The following SGCZ variants were observed in gnomAD, a reference collection of about 807,000 sequenced individuals.
The protein encoded by SGCZ is zeta-sarcoglycan.
In SGCZ, 40 loss-of-function variants were observed where a neutral mutation model predicts 41.3. The observed-to-expected ratio is 0.97, with a 90% CI of 0.75 to 1.26. The LOEUF (loss-of-function observed/expected upper bound fraction) is 1.26, where lower values mean the gene tolerates loss of function less well. Ranked by LOEUF, SGCZ falls within the 50% of genes most tolerant of loss-of-function variation. The pLI, the probability that SGCZ is intolerant of heterozygous loss-of-function variation, is 0.00. For missense variants in SGCZ, 552 were observed against 369.8 expected (o/e 1.49, Z -4.04); for synonymous variants, 206 against 137.5 (o/e 1.50, Z -3.49).
chr8:15,238,232 G>C lies in SGCZ; in HGVS notation c.-609C>G, dbSNP rs972791786. On this transcript the variant is annotated 5_prime_UTR_variant, in exon 1 of 8. Transcript: ENST00000382080. ...AGAGGTATTTTCTCAGTGGGGAAAA[G>C]AAGATAATCAAGTCAGAAGGGAACG... The C allele has an allele frequency of 5.3e-5, 8 of 152,280 alleles. No homozygotes were observed. Among genetic ancestry groups the C allele is most frequent in the African/African-American group, 1.7e-4 (7 of 41,444 alleles). The allele number at this position is 152,280 out of a possible 1,614,324, so 9.4% of individuals were successfully genotyped here.
intron 1 of SGCZ, among the ~76,000 whole-genome samples, chr8:15,207,910 A>G (rs1189841055): frequency 6.6e-6 from 1 of 152,188 alleles, no homozygotes; most frequent in Non-Finnish European, 1.5e-5. Flanking sequence ...ATTTTAATAC[A>G]AGTTTTTCAA....
At chr8:14,774,671 G>A (rs1800345521) in intron 1 of SGCZ, among the ~76,000 whole-genome samples, 1 of 152,182 alleles carries the variant, frequency 6.6e-6, no homozygotes, top group Non-Finnish European at 1.5e-5. Context: ...GATCACCCTA[G>A]CTTTGACTTT....
At chr8:15,143,076 C>A (rs1375869496) in intron 1 of SGCZ, among the ~76,000 whole-genome samples, 4 of 152,084 alleles carry the variant, frequency 2.6e-5, no homozygotes, top group Admixed American at 2.0e-4. Context: ...GCTAAGGAAC[C>A]AAATTTCACA....
chr8:14,532,645 C>G (rs1279650375), intron 2 of SGCZ, among the ~76,000 whole-genome samples: 3 of 133,816 alleles, frequency 2.2e-5, no homozygotes, highest in Admixed American at 8.9e-5. Flanking sequence ...AACTTTGAAG[C>G]TGGCTCATTG....
intron 2 of SGCZ, among the ~76,000 whole-genome samples, chr8:14,513,872 AT>A (rs373174787): frequency 0.02 from 3,011 of 151,912 alleles, 77 homozygotes; most frequent in African/African-American, 0.052. Flanking sequence ...CTCTCTGTGC[AT>A]TTTTTTTGGG....
chr8:15,063,351 T>C (rs754608001), intron 1 of SGCZ, among the ~76,000 whole-genome samples: 5 of 152,150 alleles, frequency 3.3e-5, no homozygotes, highest in Non-Finnish European at 5.9e-5. Context: ...TCTATTGGGA[T>C]GATTTTTGCA....
At chr8:15,226,406 T>C (rs1453034901) in intron 1 of SGCZ, among the ~76,000 whole-genome samples, 1 of 152,144 alleles carries the variant, frequency 6.6e-6, no homozygotes, top group Non-Finnish European at 1.5e-5. Context: ...AGATAGAAAA[T>C]CAAAATTGAT....
intron 1 of SGCZ, among the ~76,000 whole-genome samples, chr8:14,665,842 C>T (rs945738245): frequency 7.2e-5 from 11 of 152,070 alleles, no homozygotes; most frequent in African/African-American, 2.2e-4. Flanking sequence ...AAATTAAATA[C>T]GAGAAATTCA....
At chr8:15,065,179 C>T (rs1008676519) in intron 1 of SGCZ, among the ~76,000 whole-genome samples, 5 of 152,062 alleles carry the variant, frequency 3.3e-5, no homozygotes, top group Admixed American at 2.0e-4. Flanking sequence ...AGACCCACTC[C>T]GCTGTGCCTT....
intron 1 of SGCZ, among the ~76,000 whole-genome samples, chr8:15,191,989 T>C (rs1234793059): frequency 6.6e-6 from 1 of 152,072 alleles, no homozygotes; most frequent in Admixed American, 6.5e-5. Context: ...AAAAATTGCA[T>C]AAAAGTAGTA....
At chr8:15,211,995 T>C (rs1801250401) in intron 1 of SGCZ, among the ~76,000 whole-genome samples, 1 of 152,148 alleles carries the variant, frequency 6.6e-6, no homozygotes, top group Non-Finnish European at 1.5e-5. Context: ...AAATGAAATG[T>C]TATCAGATAA....
intron 4 of SGCZ, among the ~76,000 whole-genome samples, chr8:14,236,043 A>G (rs1424377617): frequency 2.0e-5 from 3 of 152,202 alleles, no homozygotes; most frequent in Admixed American, 2.0e-4. Context: ...ACTGAATGCA[A>G]AAGGCAGTTC....
chr8:14,624,016 T>C (rs892316084), intron 1 of SGCZ, among the ~76,000 whole-genome samples: 14 of 152,196 alleles, frequency 9.2e-5, no homozygotes, highest in African/African-American at 2.7e-4. Context: ...AGTCCTAACG[T>C]AGTTTCTAGC....
At chr8:14,445,086 T>A (rs1399985428) in intron 2 of SGCZ, among the ~76,000 whole-genome samples, 1 of 152,170 alleles carries the variant, frequency 6.6e-6, no homozygotes, top group African/African-American at 2.4e-5. Context: ...AGTTGCTCAG[T>A]GGTGATGCTT....
chr8:14,613,967 T>C (rs1806014546), intron 1 of SGCZ, among the ~76,000 whole-genome samples: 1 of 152,198 alleles, frequency 6.6e-6, no homozygotes. Context: ...ACATGACAGA[T>C]TGATTTTTTT....
intron 1 of SGCZ, among the ~76,000 whole-genome samples, chr8:14,601,580 C>G (rs780262923): frequency 1.3e-5 from 2 of 151,980 alleles, no homozygotes; most frequent in Non-Finnish European, 2.9e-5. Flanking sequence ...TGTTCTAATA[C>G]GTAGAGCATA....
intron 2 of SGCZ, among the ~76,000 whole-genome samples, chr8:14,472,554 T>TAAGAAA (rs1801242810): frequency 6.6e-6 from 1 of 152,096 alleles, no homozygotes; most frequent in Non-Finnish European, 1.5e-5. Context: ...CCCAACCATA[T>TAAGAAA]ACTGGGATAT....
At chr8:14,520,023 T>C (rs1003600388) in intron 2 of SGCZ, among the ~76,000 whole-genome samples, 4 of 152,096 alleles carry the variant, frequency 2.6e-5, no homozygotes, top group South Asian at 2.1e-4. Flanking sequence ...TTTTTAAAAA[T>C]GATATATTTA....
At chr8:14,822,631 A>G (rs945711536) in intron 1 of SGCZ, among the ~76,000 whole-genome samples, 2 of 152,150 alleles carry the variant, frequency 1.3e-5, no homozygotes, top group East Asian at 1.9e-4. Context: ...AAAAACAGAT[A>G]TGTAAACCAA....
Sources: allele counts gnomAD v4.1 joint callset (sites outside exome capture counted in the v4.1 genomes callset), GRCh38; gene constraint gnomAD v4.1.1; transcripts MANE v1.5; gene names NCBI Gene and HGNC (gene_info 2026-07-23, HGNC 2026-07-21).